The following NXPH2 variants were observed in gnomAD, a reference collection of about 807,000 sequenced individuals.
The protein encoded by NXPH2 is neurexophilin 2.
NXPH2 carries 5 observed loss-of-function variants against 19.8 expected under a neutral mutation model. The ratio of observed to expected loss-of-function variants is 0.25; its 90% CI spans 0.13 to 0.53. NXPH2 has a LOEUF of 0.53. Ranked by LOEUF, NXPH2 falls within the 20% of genes least tolerant of loss-of-function variation. The pLI is 0.96. For missense variants in NXPH2, 289 were observed against 322.8 expected (o/e 0.90, Z 0.80); for synonymous variants, 154 against 127.4 (o/e 1.21, Z -1.41).
intron 1 of NXPH2, among the ~76,000 whole-genome samples, chr2:138,750,468 T>C (rs948649469): frequency 1.3e-5 from 2 of 152,146 alleles, no homozygotes; most frequent in Non-Finnish European, 2.9e-5. Context: ...ATTTATCTAG[T>C]AAATAGCCAA....
chr2:138,676,182 A>T (rs773610205), intron 1 of NXPH2, among the ~76,000 whole-genome samples: 1 of 152,206 alleles, frequency 6.6e-6, no homozygotes, highest in Admixed American at 6.6e-5. Flanking sequence ...AAGCTATCTG[A>T]CAGTGGTTTA....
At chr2:138,715,368 G>C (rs879444026) in intron 1 of NXPH2, among the ~76,000 whole-genome samples, 4 of 152,192 alleles carry the variant, frequency 2.6e-5, no homozygotes, top group Non-Finnish European at 5.9e-5. Flanking sequence ...ATTATTTGCA[G>C]GGAATTTTTT....
Position 138,756,733 on chromosome 2 carries a change from T to C in NXPH2, c.51+23458A>G, listed in dbSNP as rs1350975151. 2.6e-5 allele frequency among the ~76,000 whole-genome samples: 4 copies of C among 152,204 alleles called. 1 individual carries two copies. The highest frequency in any genetic ancestry group is 9.6e-5 in the African/African-American group (4 of 41,464). ...TGGCAGAAGCAGAAGTTTTCGCTCA[T>C]GGCCTCAAACTCTCAGTGTTCCACA... is the stretch of plus-strand genomic sequence containing the variant. On this transcript the variant is annotated intron_variant, in intron 1 of 1. Coordinates refer to ENST00000272641, the MANE Select transcript of NXPH2 (RefSeq NM_007226.3).
chr2:138,724,665 C>T (rs1394990159), intron 1 of NXPH2, among the ~76,000 whole-genome samples: 2 of 152,176 alleles, frequency 1.3e-5, no homozygotes, highest in Non-Finnish European at 2.9e-5. Context: ...CATATGACTG[C>T]TTCAGTGCAA....
intron 1 of NXPH2, among the ~76,000 whole-genome samples, chr2:138,718,760 T>TA (rs1187115699): frequency 1.3e-5 from 2 of 152,210 alleles, no homozygotes; most frequent in African/African-American, 4.8e-5. Flanking sequence ...GGTTCTGTAG[T>TA]AAATATTTAT....
chr2:138,696,184 A>G (rs781178020), intron 1 of NXPH2, among the ~76,000 whole-genome samples: 3 of 152,184 alleles, frequency 2.0e-5, no homozygotes, highest in African/African-American at 7.2e-5. Flanking sequence ...ATGAACCAGT[A>G]TCCTTAAAAA....
chr2:138,703,909 C>T (rs1680969514), intron 1 of NXPH2, among the ~76,000 whole-genome samples: 1 of 152,208 alleles, frequency 6.6e-6, no homozygotes, highest in African/African-American at 2.4e-5. Flanking sequence ...AGAGGTTAGT[C>T]CTCTTTCCAA....
intron 1 of NXPH2, among the ~76,000 whole-genome samples, chr2:138,757,236 C>A (rs1204181149): frequency 6.6e-6 from 1 of 152,164 alleles, no homozygotes; most frequent in Admixed American, 6.5e-5. Flanking sequence ...GTTGGCTAGG[C>A]TGAACTACAT....
intron 1 of NXPH2, among the ~76,000 whole-genome samples, chr2:138,724,449 T>A (rs1681326662): frequency 6.6e-6 from 1 of 152,302 alleles, no homozygotes; most frequent in Admixed American, 6.5e-5. Flanking sequence ...ATGGGGTGAT[T>A]GTATGTGTGT....
At chr2:138,779,659 G>C (rs960307766) in intron 1 of NXPH2, among the ~76,000 whole-genome samples, 1 of 152,090 alleles carries the variant, frequency 6.6e-6, no homozygotes, top group Non-Finnish European at 1.5e-5. Flanking sequence ...AATCCAAGCT[G>C]TCCCCCAAAT....
intron 1 of NXPH2, among the ~76,000 whole-genome samples, chr2:138,734,873 C>G (rs79888303): frequency 2.0e-5 from 3 of 152,026 alleles, no homozygotes; most frequent in Non-Finnish European, 2.9e-5. Flanking sequence ...ACTGAGCTCA[C>G]GTGGCTCAGA....
intron 1 of NXPH2, among the ~76,000 whole-genome samples, chr2:138,693,407 G>A (rs1474319393): frequency 6.6e-6 from 1 of 152,138 alleles, no homozygotes; most frequent in Non-Finnish European, 1.5e-5. Flanking sequence ...TGCCATGTGA[G>A]CCATCAGAAT....
At chr2:138,732,022 G>T (rs1681460579) in intron 1 of NXPH2, among the ~76,000 whole-genome samples, 1 of 152,158 alleles carries the variant, frequency 6.6e-6, no homozygotes, top group Non-Finnish European at 1.5e-5. Flanking sequence ...GGTGTGTATG[G>T]ATAAGTGGAT....
intron 1 of NXPH2, among the ~76,000 whole-genome samples, chr2:138,713,986 A>T (rs1014698970): frequency 1.3e-4 from 19 of 151,522 alleles, no homozygotes; most frequent in Non-Finnish European, 2.2e-4. Flanking sequence ...AAAAAAAAAA[A>T]TTTCACTACA....
intron 1 of NXPH2, among the ~76,000 whole-genome samples, chr2:138,737,352 A>G (rs948208947): frequency 6.6e-6 from 1 of 152,224 alleles, no homozygotes; most frequent in African/African-American, 2.4e-5. Flanking sequence ...GGGCAAAAAG[A>G]GAGTGAGAGC....
chr2:138,726,151 G>C lies in NXPH2; in HGVS notation c.51+54040C>G, dbSNP rs185508629. On this transcript the variant is annotated intron_variant, in intron 1 of 1. Coordinates refer to ENST00000272641, the MANE Select transcript of NXPH2 (RefSeq NM_007226.3). ...TCCACCTCCTAGGTTCAAGCAATTC[G>C]CCTGCCTCGGCCTCCTGAGTAGCTG... is the stretch of plus-strand genomic sequence containing the variant. 9.7e-4 allele frequency among the ~76,000 whole-genome samples: 148 copies of C among 152,064 alleles called. 2 individuals are homozygous for C. In the South Asian group the frequency reaches 1.0e-2, roughly 10 times the overall value.
intron 1 of NXPH2, among the ~76,000 whole-genome samples, chr2:138,765,054 G>A (rs62163225): frequency 0.14 from 22,068 of 152,238 alleles, 1,676 homozygotes; most frequent in Middle Eastern, 0.19. Context: ...ACAGAGAATG[G>A]TAGTAGCATA....
Position 138,671,167 on chromosome 2 carries a change from A to C in NXPH2, c.550T>G (p.Ser184Ala), listed in dbSNP as rs1490316548. 1.1e-5 allele frequency: 17 copies of C among 1,613,824 alleles called. No homozygotes were observed. The highest frequency in any genetic ancestry group is 1.4e-5 in the Non-Finnish European group (17 of 1,179,882). The part of the protein sequence containing the change: ...QSTLETKESK[S>A]FNCRIEYEKT... ...TCATACTCAATGCGACAATTGAAAG[A>C]TTTGGATTCCTTGGTCTCCAAGGTA... Residue 184 changes from serine (S) to alanine (A), a missense_variant, in exon 2 of 2, where the codon TCT (serine) becomes GCT (alanine). Ser to Ala is a moderately conservative substitution (Grantham distance 99). Coordinates refer to ENST00000272641, the MANE Select transcript of NXPH2 (RefSeq NM_007226.3).
chr2:138,685,499 T>A (rs76550457), intron 1 of NXPH2, among the ~76,000 whole-genome samples: 4,694 of 152,314 alleles, frequency 0.031, 246 homozygotes, highest in African/African-American at 0.11. Flanking sequence ...AAACTCAATT[T>A]AAGTTGAAGA....
Sources: allele counts gnomAD v4.1 joint callset (sites outside exome capture counted in the v4.1 genomes callset), GRCh38; gene constraint gnomAD v4.1.1; transcripts MANE v1.5; gene names NCBI Gene and HGNC (gene_info 2026-07-23, HGNC 2026-07-21).